Variants in CFH observed in about 807,000 individuals in gnomAD.
CFH encodes complement factor H, also known as H factor 1 (complement).
In CFH, 53 loss-of-function variants were observed where a neutral mutation model predicts 147.3. That is an observed-to-expected ratio of 0.36 (90% CI 0.29 to 0.45). The LOEUF (loss-of-function observed/expected upper bound fraction) is 0.45, where lower values mean the gene tolerates loss of function less well. CFH is among the 20% of genes least tolerant of loss of function. CFH has a pLI of 1.00. For missense variants in CFH, 1,380 were observed against 1,498.0 expected, an observed-to-expected ratio of 0.92 and a Z score of 1.30; for synonymous variants, 536 against 489.4, an observed-to-expected ratio of 1.10 and a Z score of -1.26.
At chr1:196,733,246 T>C (rs1669321548) in intron 15 of CFH, among the ~76,000 whole-genome samples, 1 of 152,052 alleles carries the variant, frequency 6.6e-6, no homozygotes, top group Non-Finnish European at 1.5e-5. Flanking sequence ...TAGAGGCCAG[T>C]TCATTAAGTA....
intron 9 of CFH, among the ~76,000 whole-genome samples, chr1:196,693,094 C>T (rs925931103): frequency 6.6e-6 from 1 of 151,818 alleles, no homozygotes; most frequent in Non-Finnish European, 1.5e-5. Flanking sequence ...GAGATATCAA[C>T]GTTATATTTT....
intron 7 of CFH, 24 bp from the exon 8 acceptor site, chr1:196,689,396 T>A (rs1236135501): frequency 6.2e-7 from 1 of 1,600,468 alleles, no homozygotes; most frequent in Non-Finnish European, 8.5e-7. Flanking sequence ...TTCTTTATAC[T>A]TTTTTTAAAA....
intron 9 of CFH, among the ~76,000 whole-genome samples, chr1:196,712,142 G>T (rs1573051953): frequency 6.6e-6 from 1 of 152,106 alleles, no homozygotes; most frequent in Non-Finnish European, 1.5e-5. Flanking sequence ...CTGGAATTAG[G>T]TGCTTCCTGC....
chr1:196,742,919 A>T (rs142476724), intron 19 of CFH, among the ~76,000 whole-genome samples: 50 of 152,278 alleles, frequency 3.3e-4, no homozygotes, highest in African/African-American at 1.1e-3. Flanking sequence ...GGATCCTTTG[A>T]TTAACCATTC....
intron 1 of CFH, among the ~76,000 whole-genome samples, chr1:196,657,789 C>T (rs1381945721): frequency 6.6e-6 from 1 of 151,914 alleles, no homozygotes. Context: ...AAAATAATAT[C>T]TACTGTTTTT....
rs747358281 is a variant in CFH at position 196,725,122 on chromosome 1, A to G, written c.1698A>G (p.Glu566=). 6 of 1,612,232 alleles carry G rather than the reference A, an allele frequency of 3.7e-6. No homozygotes were observed. In the Admixed American group the frequency reaches 1.0e-4, roughly 27 times the overall value. ...NGWSDLPICY[E]RECELPKIDV... Reference sequence around the variant, plus strand: ...TGAAATTATTTTACCTTTTTCAAGAAAGAGAATGCGAACTTCCTAAAATAG... The same window carrying G: ...TGAAATTATTTTACCTTTTTCAAGAGAGAGAATGCGAACTTCCTAAAATAG... Residue 566 remains glutamate, a splice_region_variant and synonymous_variant, in exon 12 of 22, where the codon GAA becomes GAG. Coordinates refer to ENST00000367429, the MANE Select transcript of CFH (RefSeq NM_000186.4).
chr1:196,695,633 C>T (rs769038854), intron 9 of CFH, among the ~76,000 whole-genome samples: 1 of 152,080 alleles, frequency 6.6e-6, no homozygotes, highest in African/African-American at 2.4e-5. Flanking sequence ...TCTTCCTATC[C>T]ATGAGGATGG....
chr1:196,675,472 T>C (rs1206611702), intron 3 of CFH, among the ~76,000 whole-genome samples: 2 of 151,938 alleles, frequency 1.3e-5, no homozygotes, highest in Non-Finnish European at 2.9e-5. Context: ...GTTCAGAAAA[T>C]ATCAGAATCA....
At chr1:196,694,979 C>G (rs575450) in intron 9 of CFH, among the ~76,000 whole-genome samples, 6,584 of 152,234 alleles carry the variant, frequency 0.043, 447 homozygotes, top group African/African-American at 0.14. Flanking sequence ...ATGATAGTTT[C>G]TTTTGCTGTG....
chr1:196,676,175 T>A lies in CFH; in HGVS notation c.427+110T>A, dbSNP rs1667446557. ...CTATTAAATATTTTTATTTAATGTT[T>A]TTTTTTCTCATACAATGTAGAGTGG... On this transcript the variant is annotated intron_variant, in intron 4 of 21. Transcript: ENST00000367429. 3 of 668,770 alleles carry A rather than the reference T, an allele frequency of 4.5e-6. No homozygotes were observed. The South Asian group carries it at 7.7e-5, about 17-fold the overall frequency. 41.4% of individuals were successfully genotyped at this position (668,770 alleles called of 1,614,324 possible).
At chr1:196,721,536 T>A (rs1668998190) in intron 11 of CFH, among the ~76,000 whole-genome samples, 1 of 152,002 alleles carries the variant, frequency 6.6e-6, no homozygotes, top group Non-Finnish European at 1.5e-5. Context: ...TCTGAGGTTG[T>A]TGGGTGGAAT....
chr1:196,665,668 C>T (rs1573001030), intron 1 of CFH, among the ~76,000 whole-genome samples: 1 of 152,028 alleles, frequency 6.6e-6, no homozygotes, highest in Admixed American at 6.6e-5. Flanking sequence ...AGTGCAATGG[C>T]GTGATCTTGG....
At chr1:196,702,384 C>T (rs1668479668) in intron 9 of CFH, among the ~76,000 whole-genome samples, 2 of 152,132 alleles carry the variant, frequency 1.3e-5, no homozygotes, top group Admixed American at 1.3e-4. Flanking sequence ...CAACTGCTTA[C>T]AGGAGGTGTT....
intron 15 of CFH, among the ~76,000 whole-genome samples, chr1:196,732,656 G>T (rs1428214295): frequency 6.6e-6 from 1 of 152,004 alleles, no homozygotes; most frequent in Non-Finnish European, 1.5e-5. Context: ...ATTTTCATGT[G>T]CCTCTCAAGT....
At chr1:196,742,245 A>G (rs944734978) in intron 19 of CFH, among the ~76,000 whole-genome samples, 194 bp downstream of exon 19, 1 of 152,084 alleles carries the variant, frequency 6.6e-6, no homozygotes, top group Non-Finnish European at 1.5e-5. Flanking sequence ...GCATGGTGAC[A>G]TGCATCTGAA....
intron 9 of CFH, among the ~76,000 whole-genome samples, chr1:196,690,712 C>G (rs115715815): frequency 6.6e-6 from 1 of 152,084 alleles, no homozygotes; most frequent in Non-Finnish European, 1.5e-5. Context: ...GTGGAGTGCA[C>G]TGGATTTTAT....
intron 6 of CFH, among the ~76,000 whole-genome samples, chr1:196,681,353 G>T (rs1162205628): frequency 1.1e-5 from 1 of 92,182 alleles, no homozygotes; most frequent in Non-Finnish European, 2.7e-5. Flanking sequence ...TCTTCACTTT[G>T]ATACCTACTT....
At chr1:196,737,131 A>G (rs1382595462) in intron 16 of CFH, 125 bp downstream of exon 16, 2 of 865,180 alleles carry the variant, frequency 2.3e-6, no homozygotes, top group African/African-American at 3.4e-5. Flanking sequence ...AAAATAAATT[A>G]GGACCTAGGC....
intron 6 of CFH, among the ~76,000 whole-genome samples, chr1:196,683,518 TGTA>T (rs1667725574): frequency 6.6e-6 from 1 of 151,540 alleles, no homozygotes; most frequent in Non-Finnish European, 1.5e-5. Flanking sequence ...GGAGGAGAAA[TGTA>T]GTACATTAGC....
Sources: allele counts gnomAD v4.1 joint callset (sites outside exome capture counted in the v4.1 genomes callset), GRCh38; gene constraint gnomAD v4.1.1; transcripts MANE v1.5; gene names NCBI Gene and HGNC (gene_info 2026-07-23, HGNC 2026-07-21).